SYT1: variants seen among roughly 807,000 people sequenced by gnomAD.
SYT1 encodes synaptotagmin 1, also known as synaptotagmin-1.
A neutral mutation model predicts 44.8 loss-of-function variants in SYT1; 8 were observed. That is an observed-to-expected ratio of 0.18 (90% confidence interval 0.10 to 0.32). SYT1 has a LOEUF of 0.32. SYT1 is among the 10% of genes least tolerant of loss of function. The pLI, the probability that SYT1 is intolerant of heterozygous loss-of-function variation, is 1.00. For synonymous variants in SYT1, 154 were observed against 188.8 expected (o/e 0.82, Z 1.51); for missense variants, 286 against 509.3 (o/e 0.56, Z 4.22).
chr12:79,317,440 G>A (rs775791455), intron 8 of SYT1, among the ~76,000 whole-genome samples: 18 of 151,998 alleles, frequency 1.2e-4, no homozygotes, highest in African/African-American at 1.9e-4. Context: ...CCCCTGGGAC[G>A]GGCCACAGCA....
chr12:79,286,787 T>C (rs1879335705), intron 5 of SYT1, among the ~76,000 whole-genome samples: 1 of 152,162 alleles, frequency 6.6e-6, no homozygotes, highest in South Asian at 2.1e-4. Context: ...TGAAATAATA[T>C]CCATGTTGAA....
chr12:79,423,381 T>A (rs1481581851), intron 9 of SYT1, among the ~76,000 whole-genome samples: 1 of 152,138 alleles, frequency 6.6e-6, no homozygotes, highest in African/African-American at 2.4e-5. Context: ...CTGCTTTCAT[T>A]CTATCACCTG....
intron 3 of SYT1, among the ~76,000 whole-genome samples, chr12:79,104,311 A>G (rs757673310): frequency 6.6e-6 from 1 of 152,100 alleles, no homozygotes; most frequent in Non-Finnish European, 1.5e-5. Flanking sequence ...AAAACTGAAT[A>G]AAAGATCATA....
chr12:79,366,936 G>A (rs1332978649), intron 9 of SYT1, among the ~76,000 whole-genome samples: 3 of 148,096 alleles, frequency 2.0e-5, no homozygotes, highest in Non-Finnish European at 4.5e-5. Flanking sequence ...GTGTGTGTGT[G>A]TGTGTGTGTG....
intron 2 of SYT1, among the ~76,000 whole-genome samples, chr12:79,014,016 T>G (rs1656752174): frequency 6.7e-6 from 1 of 149,096 alleles, no homozygotes. Context: ...GTCCCAGTAC[T>G]CGGGATCATG....
At chr12:79,045,450 A>G (rs1038008998) in intron 2 of SYT1, 7 of 154,836 alleles carry the variant, frequency 4.5e-5, no homozygotes, top group Non-Finnish European at 1.0e-4. Flanking sequence ...GCGCTTCCCA[A>G]GTGAGGCAAT....
At chr12:79,127,067 C>A (rs1400461914) in intron 3 of SYT1, among the ~76,000 whole-genome samples, 2 of 152,180 alleles carry the variant, frequency 1.3e-5, no homozygotes, top group Non-Finnish European at 2.9e-5. Flanking sequence ...AAATGTGTCT[C>A]CAAAGTTTCA....
chr12:79,292,816 A>G (rs542257934), intron 6 of SYT1, among the ~76,000 whole-genome samples: 408 of 152,270 alleles, frequency 2.7e-3, no homozygotes, highest in Non-Finnish European at 4.4e-3. Flanking sequence ...GATGAATGAT[A>G]ATATTGGCTA....
intron 4 of SYT1, among the ~76,000 whole-genome samples, chr12:79,235,319 A>T (rs1036567964): frequency 6.6e-6 from 1 of 152,108 alleles, no homozygotes; most frequent in African/African-American, 2.4e-5. Context: ...AGAATATATC[A>T]TTGTGGTTTT....
At chr12:79,318,719 A>G (rs1881215968) in intron 8 of SYT1, among the ~76,000 whole-genome samples, 1 of 152,202 alleles carries the variant, frequency 6.6e-6, no homozygotes, top group African/African-American at 2.4e-5. Context: ...TATTCCGACA[A>G]GGTGCTTCCC....
chr12:78,926,740 C>T (rs894787722), intron 1 of SYT1: 5 of 152,162 alleles, frequency 3.3e-5, no homozygotes, highest in Admixed American at 6.6e-5. Flanking sequence ...ACCAGCATGA[C>T]AATCTTTCTA....
chr12:79,308,604 AAGAAAGAAAAAGAAAGAAAGAAAG>A (rs1246680858), intron 8 of SYT1, among the ~76,000 whole-genome samples: 2 of 67,050 alleles, frequency 3.0e-5, no homozygotes, highest in Middle Eastern at 7.9e-3. Flanking sequence ...GAAAGAAAGA[AAGAAAGAAAAAGAAAGAAAGAAAG>A]AAAGAAAGAA....
chr12:79,083,451 C>T (rs1241023802), intron 3 of SYT1, among the ~76,000 whole-genome samples: 2 of 152,014 alleles, frequency 1.3e-5, no homozygotes, highest in South Asian at 2.1e-4. Context: ...CCAGGATGCT[C>T]AGGTCAGCTC....
intron 2 of SYT1, among the ~76,000 whole-genome samples, chr12:78,994,263 T>C (rs920631254): frequency 1.3e-5 from 2 of 152,208 alleles, no homozygotes; most frequent in Non-Finnish European, 2.9e-5. Flanking sequence ...AGTGAGCCTT[T>C]ATCATTTCAA....
At chr12:79,334,477 C>T (rs1881997710) in intron 8 of SYT1, among the ~76,000 whole-genome samples, 1 of 151,970 alleles carries the variant, frequency 6.6e-6, no homozygotes, top group Admixed American at 6.6e-5. Context: ...GGGAAAGGCT[C>T]GGCGAGGATA....
intron 8 of SYT1, among the ~76,000 whole-genome samples, chr12:79,344,471 G>A (rs1283802598): frequency 1.3e-5 from 2 of 151,998 alleles, no homozygotes; most frequent in Non-Finnish European, 2.9e-5. Context: ...TTTTGTTATT[G>A]AGACAGGGTC....
At chr12:79,120,334 A>G (rs1879527230) in intron 3 of SYT1, among the ~76,000 whole-genome samples, 1 of 152,068 alleles carries the variant, frequency 6.6e-6, no homozygotes, top group Admixed American at 6.6e-5. Context: ...AAAACTACCT[A>G]TTGGGCACTA....
intron 3 of SYT1, among the ~76,000 whole-genome samples, chr12:79,164,976 A>G (rs1871151213): frequency 6.6e-6 from 1 of 152,010 alleles, no homozygotes; most frequent in Non-Finnish European, 1.5e-5. Flanking sequence ...GGAGTTGGAC[A>G]CAAATTTTGA....
At chr12:79,041,901 G>A (rs1046815767) in intron 2 of SYT1, among the ~76,000 whole-genome samples, 1 of 152,106 alleles carries the variant, frequency 6.6e-6, no homozygotes, top group African/African-American at 2.4e-5. Flanking sequence ...TTTTGTCTTT[G>A]GTTCTGTTTA....
Sources: allele counts gnomAD v4.1 joint callset (sites outside exome capture counted in the v4.1 genomes callset), GRCh38; gene constraint gnomAD v4.1.1; transcripts MANE v1.5; gene names NCBI Gene and HGNC (gene_info 2026-07-23, HGNC 2026-07-21).